Variants in CIT observed in about 807,000 individuals in gnomAD.
CIT encodes citron Rho-interacting kinase.
CIT carries 79 observed loss-of-function variants against 272.7 expected under a neutral mutation model. That is an observed-to-expected ratio of 0.29 (90% CI 0.24 to 0.35). CIT has a LOEUF of 0.35. Ranked by LOEUF, CIT falls within the 10% of genes least tolerant of loss-of-function variation. The pLI, the probability that CIT is intolerant of heterozygous loss-of-function variation, is 1.00. For missense variants in CIT, 1,909 were observed against 2,618.3 expected (o/e 0.73, Z 5.91); for synonymous variants, 948 against 995.6 (o/e 0.95, Z 0.90).
At chr12:119,868,599 C>T (rs1950580140) in intron 3 of CIT, among the ~76,000 whole-genome samples, 1 of 152,170 alleles carries the variant, frequency 6.6e-6, no homozygotes, top group African/African-American at 2.4e-5. Context: ...AGTGCAATGG[C>T]ACAATCACAG....
intron 28 of CIT, 78 bp from the exon 29 acceptor site, chr12:119,721,527 C>T (rs1957814165): frequency 7.5e-7 from 1 of 1,336,212 alleles, no homozygotes. Flanking sequence ...CTATTTCAAA[C>T]TAATTTCAGG....
Position 119,804,287 on chromosome 12 carries a change from G to C in CIT, c.1112-898C>G. On this transcript the variant is annotated intron_variant, in intron 9 of 47. Transcript: ENST00000392521. This position sits in a 1 kb window ranked among gnomAD's most constrained non-coding sequence, Gnocchi z 5.3. Reference sequence around the variant, plus strand: ...CAGTCACCAGGAGGCTGCCCATCGCGGTGGGCTCCCGGGGGTGTCCCCCGC... The same window carrying C: ...CAGTCACCAGGAGGCTGCCCATCGCCGTGGGCTCCCGGGGGTGTCCCCCGC... 4.1e-6 allele frequency: 4 copies of C among 985,510 alleles called. No homozygotes were observed. The highest frequency in any genetic ancestry group is 4.8e-6 in the Non-Finnish European group (4 of 829,984). 61.0% of individuals were successfully genotyped at this position (985,510 alleles called of 1,614,324 possible). A position where few individuals can be genotyped will look rare whatever the true frequency, so the allele number is the denominator to read the frequency against.
Position 119,834,229 on chromosome 12 carries a change from C to A in CIT, c.517-1G>T, listed in dbSNP as rs535580486. 7 of 1,598,134 alleles carry A rather than the reference C, an allele frequency of 4.4e-6. No homozygotes were observed. The highest frequency in any genetic ancestry group is 1.1e-5 in the South Asian group (1 of 87,818). On this transcript the variant is annotated splice_acceptor_variant, in intron 5 of 47. Transcript: ENST00000392521. LOFTEE classifies it high-confidence loss of function. ...CCCCTCCAGGCTGATATTCCATGACCTGTATAGAATGCCAAAGTTATTAAT... is the reference window on the plus strand; with the variant it reads ...CCCCTCCAGGCTGATATTCCATGACATGTATAGAATGCCAAAGTTATTAAT...
Position 119,823,298 on chromosome 12 carries a change from T to A in CIT, c.958-325A>T, listed in dbSNP as rs146750666. Among the ~76,000 whole-genome samples the A allele has an allele frequency of 5.9e-5, 9 of 152,318 alleles. 1 individual carries two copies. The highest frequency in any genetic ancestry group is 2.2e-4 in the African/African-American group (9 of 41,562). ...AGCTATTTAAAGATCCCTGAACAAA[T>A]CATGCTGTTCTTGCTGCTTTCCTTG... is the stretch of plus-strand genomic sequence containing the variant. On this transcript the variant is annotated intron_variant, in intron 8 of 47. Transcript: ENST00000392521.
rs1955884750 is a variant in CIT at position 119,690,544 on chromosome 12, C to T, written c.5883-90G>A. The T allele has an allele frequency of 8.2e-7, 1 of 1,213,334 alleles. No individual in the cohort carries two copies. Among genetic ancestry groups the T allele is most frequent in the Non-Finnish European group, 1.1e-6 (1 of 894,958 alleles). 75.2% of individuals were successfully genotyped at this position (1,213,334 alleles called of 1,614,324 possible). A position where few individuals can be genotyped will look rare whatever the true frequency, so the allele number is the denominator to read the frequency against. ...TACCTGAGCAACCCCCTCCTTGACC[C>T]AGCCTCACCACTGATTATCAAGAGA... is the stretch of plus-strand genomic sequence containing the variant. On this transcript the variant is annotated intron_variant, in intron 46 of 47. Coordinates refer to ENST00000392521, the MANE Select transcript of CIT (RefSeq NM_001206999.2). This position sits in a 1 kb window ranked among gnomAD's most constrained non-coding sequence, Gnocchi z 6.0.
chr12:119,856,554 C>CAA (rs1312536099), intron 4 of CIT, among the ~76,000 whole-genome samples: 1 of 151,960 alleles, frequency 6.6e-6, no homozygotes, highest in Non-Finnish European at 1.5e-5. Context: ...CACACACACA[C>CAA]CCACACACAC....
At chr12:119,851,891 G>A (rs144827877) in intron 4 of CIT, among the ~76,000 whole-genome samples, 1 of 152,198 alleles carries the variant, frequency 6.6e-6, no homozygotes, top group East Asian at 1.9e-4. Context: ...AAAGTAGCTG[G>A]GTGTGGTGGT....
At chr12:119,817,852 A>G (rs1464656971) in intron 9 of CIT, among the ~76,000 whole-genome samples, 1 of 151,934 alleles carries the variant, frequency 6.6e-6, no homozygotes. Context: ...AGGGAGGATG[A>G]TCACTTGAGC....
chr12:119,823,714 T>G (rs1452019806), intron 8 of CIT, among the ~76,000 whole-genome samples: 1 of 152,134 alleles, frequency 6.6e-6, no homozygotes, highest in South Asian at 2.1e-4. Flanking sequence ...TGGTTGAAAC[T>G]AAAACATATA....
intron 28 of CIT, among the ~76,000 whole-genome samples, chr12:119,727,714 C>G (rs1171533723): frequency 6.6e-6 from 1 of 152,116 alleles, no homozygotes; most frequent in Admixed American, 6.6e-5. Flanking sequence ...CACTTGAGCC[C>G]AAGGGTTTGA....
chr12:119,688,374 G>T, intron 47 of CIT, 119 bp from the exon 48 acceptor site: 1 of 1,027,250 alleles, frequency 9.7e-7, no homozygotes. Flanking sequence ...AGCTAGCAGT[G>T]AGTGCTTGGC....
intron 5 of CIT, among the ~76,000 whole-genome samples, chr12:119,840,508 G>A (rs1415064709): frequency 6.6e-6 from 1 of 152,090 alleles, no homozygotes; most frequent in Non-Finnish European, 1.5e-5. Flanking sequence ...TATTTCAAAG[G>A]CACAGAAAAC....
intron 24 of CIT, among the ~76,000 whole-genome samples, chr12:119,740,285 A>AT (rs1958994055): frequency 6.6e-6 from 1 of 152,248 alleles, no homozygotes; most frequent in African/African-American, 2.4e-5. Flanking sequence ...ATACTAGTGT[A>AT]TTCCACTAAA....
intron 9 of CIT, among the ~76,000 whole-genome samples, chr12:119,814,761 G>T (rs1269728887): frequency 6.6e-6 from 1 of 152,106 alleles, no homozygotes; most frequent in Non-Finnish European, 1.5e-5. Context: ...ACTTTAAAAG[G>T]CCCAAAACAT....
chr12:119,743,936 A>G (rs927741144), intron 23 of CIT, among the ~76,000 whole-genome samples: 10 of 152,244 alleles, frequency 6.6e-5, no homozygotes, highest in Non-Finnish European at 1.5e-4. Context: ...AGGTCCAGTA[A>G]AGAATTTAGG....
chr12:119,812,288 A>G (rs573898543), intron 9 of CIT, among the ~76,000 whole-genome samples: 28 of 152,236 alleles, frequency 1.8e-4, no homozygotes, highest in African/African-American at 6.0e-4. Flanking sequence ...GAGCTAGTTC[A>G]TCAGCACCTG....
intron 24 of CIT, among the ~76,000 whole-genome samples, chr12:119,741,068 A>C (rs1959034655): frequency 6.6e-6 from 1 of 152,166 alleles, no homozygotes; most frequent in African/African-American, 2.4e-5. Context: ...TTGATCCATT[A>C]TGGAAACAAT....
At position 119,697,663 on chromosome 12, in the gene CIT, G is replaced by A. The variant is rs201262799; in HGVS notation, c.5878C>T (p.Arg1960Cys). ...GGAAGAGGAGAAGCTGGTTACCTGC[G>A]GGAGGTGGACGGGCCCCGGTGGTGT... ...TEHHRGPSTS[R>C]SSPNKRGPPT... The change falls in exon 46 of 48, where the codon CGC (arginine) becomes TGC (cysteine). Residue 1960 changes from arginine (R) to cysteine (C), a missense_variant. By Grantham distance (180) the Arg-to-Cys change is radical. Transcript: ENST00000392521. The surrounding 1 kb of genome is among the most constrained non-coding windows in gnomAD (Gnocchi z 4.9). The A allele has an allele frequency of 1.4e-5, 22 of 1,613,666 alleles. No individual in the cohort carries two copies. The highest frequency in any genetic ancestry group is 1.7e-4 in the Middle Eastern group (1 of 6,034).
intron 3 of CIT, among the ~76,000 whole-genome samples, chr12:119,865,997 G>A (rs189518932): frequency 6.9e-4 from 105 of 151,638 alleles, no homozygotes; most frequent in African/African-American, 2.3e-3. Flanking sequence ...CAGCATCCCC[G>A]GCTCCTTTGC....
Sources: gnomAD v4.1 joint callset for allele counts (sites outside exome capture counted in the v4.1 genomes callset) on GRCh38, gnomAD v4.1.1 for gene constraint, Gnocchi (gnomAD v3.1) non-coding constraint, MANE v1.5 for transcripts, NCBI Gene and HGNC (gene_info 2026-07-23, HGNC 2026-07-21) for gene names.